The following IL1RAPL2 variants were observed in gnomAD, a reference collection of about 807,000 sequenced individuals.
IL1RAPL2 encodes interleukin 1 receptor accessory protein like 2, also known as X-linked interleukin-1 receptor accessory protein-like 2.
In IL1RAPL2, 3 loss-of-function variants were observed where a neutral mutation model predicts 44.1. The observed-to-expected ratio is 0.07, with a 90% confidence interval of 0.03 to 0.18. The LOEUF (loss-of-function observed/expected upper bound fraction) is 0.18. IL1RAPL2 is among the 10% of genes least tolerant of loss of function. The probability of loss-of-function intolerance (pLI) is 1.00; values close to 1 mark genes in which losing one functional copy is unlikely to be tolerated. For synonymous variants in IL1RAPL2, 181 were observed against 178.8 expected (o/e 1.01, Z -0.10); for missense variants, 391 against 496.4 (o/e 0.79, Z 2.02).
intron 3 of IL1RAPL2, chrX:105,219,669 C>A (rs372780941): frequency 9.9e-6 from 12 of 1,208,452 alleles, no homozygotes; most frequent in Non-Finnish European, 1.2e-5. Context: ...CTTCTTCCTC[C>A]TCAGCTGCTC....
At chrX:105,427,811 A>T (rs1471353019) in intron 5 of IL1RAPL2, among the ~76,000 whole-genome samples, 1 of 112,072 alleles carries the variant, frequency 8.9e-6, no homozygotes, top group Non-Finnish European at 1.9e-5. Context: ...CTCTATCAGT[A>T]ACAGGAAGGG....
In IL1RAPL2 at chrX:104,816,320, T is replaced by C. The variant is rs1321956755; in HGVS notation, c.82+157325T>C. Among the ~76,000 whole-genome samples, 3 of 111,932 alleles carry C rather than the reference T, an allele frequency of 2.7e-5. No homozygotes were observed. In the Admixed American group the frequency reaches 2.9e-4, roughly 11 times the overall value. On this transcript the variant is annotated intron_variant, in intron 2 of 10. Transcript: ENST00000372582. ...TTAACCACCCCAAAGTGACTAGATA[T>C]ATGCAAGGTTTCTATTTCTATTATT...
rs368140493 is a variant in IL1RAPL2, at chrX:105,276,642, G to A, written c.697+9101G>A. Among the ~76,000 whole-genome samples the A allele has an allele frequency of 3.7e-4, 42 of 112,101 alleles. No individual in the cohort carries two copies. In the East Asian group the frequency reaches 9.1e-3, roughly 24 times the overall value. ...AGTCTGGATTTTTGTGTGGAAATCC[G>A]TAAATTGTAAAGCACTCTGTAGACC... On this transcript the variant is annotated intron_variant, in intron 5 of 10. Transcript: ENST00000372582.
chrX:104,657,621 G>A (rs1048227256), intron 1 of IL1RAPL2, among the ~76,000 whole-genome samples: 1 of 111,386 alleles, frequency 9.0e-6, no homozygotes, highest in Non-Finnish European at 1.9e-5. Flanking sequence ...AATTGACAAA[G>A]GGGATCTAAT....
intron 5 of IL1RAPL2, among the ~76,000 whole-genome samples, chrX:105,341,349 T>C (rs1389612951): frequency 9.0e-6 from 1 of 110,910 alleles, no homozygotes; most frequent in Non-Finnish European, 1.9e-5. Flanking sequence ...TTTTCTTTTT[T>C]TTTTACTGAA....
At chrX:104,671,720 G>A (rs138552152) in intron 2 of IL1RAPL2, among the ~76,000 whole-genome samples, 5,380 of 111,813 alleles carry the variant, frequency 0.048, 133 homozygotes, top group Non-Finnish European at 0.076. Flanking sequence ...TTAGATAATT[G>A]AATAGATGCT....
At chrX:105,237,742 CTTTGTCAGATAAGTGGATTGCAAAAATT>C (rs1428066429) in intron 4 of IL1RAPL2, among the ~76,000 whole-genome samples, 23 of 111,181 alleles carry the variant, frequency 2.1e-4, no homozygotes, top group African/African-American at 7.2e-4. Flanking sequence ...GATATTAGCC[CTTTGTCAGATAAGTGGATTGCAAAAATT>C]TTCTCCCATT....
At chrX:105,018,088 A>G (rs756352532) in intron 2 of IL1RAPL2, among the ~76,000 whole-genome samples, 3 of 111,744 alleles carry the variant, frequency 2.7e-5, no homozygotes, top group Non-Finnish European at 5.7e-5. Flanking sequence ...CATTTTCAGA[A>G]GTCATCTCTT....
At chrX:105,336,180 T>C (rs2035027091) in intron 5 of IL1RAPL2, among the ~76,000 whole-genome samples, 1 of 112,366 alleles carries the variant, frequency 8.9e-6, no homozygotes, top group African/African-American at 3.2e-5. Flanking sequence ...CAAAAGAAGA[T>C]GATTGTCATC....
intron 2 of IL1RAPL2, among the ~76,000 whole-genome samples, chrX:104,876,377 C>T (rs1263196551): frequency 9.0e-6 from 1 of 111,645 alleles, no homozygotes; most frequent in Non-Finnish European, 1.9e-5. Context: ...GATAATTTTG[C>T]CCCATACATT....
At chrX:105,610,856 C>A (rs954431106) in intron 6 of IL1RAPL2, among the ~76,000 whole-genome samples, 11 of 96,072 alleles carry the variant, frequency 1.1e-4, no homozygotes, top group Non-Finnish European at 2.3e-4. Context: ...GTTATTTTGG[C>A]GTGTACTCCT....
chrX:105,597,473 G>C (rs769658287), intron 6 of IL1RAPL2, among the ~76,000 whole-genome samples: 1 of 111,120 alleles, frequency 9.0e-6, no homozygotes, highest in East Asian at 2.8e-4. Flanking sequence ...GCTTGGGGAA[G>C]CCTCAGGAAA....
intron 2 of IL1RAPL2, among the ~76,000 whole-genome samples, chrX:104,809,456 T>A (rs1219465607): frequency 1.8e-5 from 2 of 111,607 alleles, no homozygotes; most frequent in Non-Finnish European, 3.8e-5. Context: ...GTGGTTTTGA[T>A]TTGCATTTCT....
intron 2 of IL1RAPL2, among the ~76,000 whole-genome samples, chrX:104,949,331 A>G (rs1030200760): frequency 1.8e-5 from 2 of 111,104 alleles, no homozygotes; most frequent in African/African-American, 3.3e-5. Flanking sequence ...TAGTCTTGCT[A>G]GCAGTCTATC....
chrX:104,893,843 T>C (rs184585449), intron 2 of IL1RAPL2, among the ~76,000 whole-genome samples: 1 of 111,897 alleles, frequency 8.9e-6, no homozygotes, highest in Admixed American at 9.5e-5. Context: ...TGTTAGCTGG[T>C]TATTTTGCTC....
intron 3 of IL1RAPL2, among the ~76,000 whole-genome samples, chrX:105,225,664 C>CTTTTATTTTA (rs781855827): frequency 0.011 from 1,135 of 100,321 alleles, 6 homozygotes; most frequent in Middle Eastern, 0.075. Context: ...AGAAAACATA[C>CTTTTATTTTA]TTTTATTTTA....
At chrX:105,561,197 G>A (rs888476067) in intron 6 of IL1RAPL2, among the ~76,000 whole-genome samples, 2 of 111,357 alleles carry the variant, frequency 1.8e-5, no homozygotes, top group Non-Finnish European at 3.8e-5. Flanking sequence ...TCTGAGAGAT[G>A]GGACACACTT....
chrX:105,754,487 T>C (rs2038621354), intron 9 of IL1RAPL2, among the ~76,000 whole-genome samples: 1 of 112,515 alleles, frequency 8.9e-6, no homozygotes, highest in East Asian at 2.8e-4. Context: ...AAAATCTAAT[T>C]TGGCAATACT....
At chrX:105,112,593 G>T (rs967268762) in intron 2 of IL1RAPL2, among the ~76,000 whole-genome samples, 3 of 112,533 alleles carry the variant, frequency 2.7e-5, no homozygotes, top group African/African-American at 9.7e-5. Flanking sequence ...GAAATGTAAG[G>T]TGTGTGGTCT....
Sources: allele counts gnomAD v4.1 joint callset (sites outside exome capture counted in the v4.1 genomes callset), GRCh38; gene constraint gnomAD v4.1.1; transcripts MANE v1.5; gene names NCBI Gene and HGNC (gene_info 2026-07-23, HGNC 2026-07-21).